The following ANKRD13B variants were observed in gnomAD, a reference collection of about 807,000 sequenced individuals.
The protein encoded by ANKRD13B is ankyrin repeat domain 13B.
In ANKRD13B, 33 loss-of-function variants were observed where a neutral mutation model predicts 74.4. The ratio of observed to expected loss-of-function variants is 0.44; its 90% CI spans 0.34 to 0.59. ANKRD13B has a LOEUF of 0.59. Among genes scored for constraint, ANKRD13B ranks in the 20% least tolerant of loss-of-function variants. The pLI is 0.02. For missense variants in ANKRD13B, 676 were observed against 877.9 expected (o/e 0.77, Z 2.91); for synonymous variants, 341 against 362.9 (o/e 0.94, Z 0.68).
intron 1 of ANKRD13B, among the ~76,000 whole-genome samples, chr17:29,599,925 A>G (rs1043882614): frequency 8.5e-6 from 1 of 117,626 alleles, no homozygotes; most frequent in African/African-American, 3.4e-5. Context: ...CCCCCGCGCT[A>G]GAGTGCAGTG....
At chr17:29,594,885 G>C (rs547097879) in intron 1 of ANKRD13B, among the ~76,000 whole-genome samples, 3 of 152,204 alleles carry the variant, frequency 2.0e-5, no homozygotes, top group African/African-American at 7.2e-5. Context: ...GCAGGCCATC[G>C]GACTGAGCAG....
Position 29,611,427 on chromosome 17 carries a change from TTCAGGTGAAGG to T in ANKRD13B, c.905-150_905-140del. 2 of 717,592 alleles carry T rather than the reference TTCAGGTGAAGG, an allele frequency of 2.8e-6. No homozygotes were observed. The highest frequency in any genetic ancestry group is 4.8e-6 in the Non-Finnish European group (2 of 414,848). 44.5% of individuals were successfully genotyped at this position (717,592 alleles called of 1,614,324 possible). On this transcript the variant is annotated intron_variant, in intron 8 of 14. Coordinates refer to ENST00000394859, the MANE Select transcript of ANKRD13B (RefSeq NM_152345.5). This position sits in a 1 kb window ranked among gnomAD's most constrained non-coding sequence, Gnocchi z 4.3. ...CTGGTCCTTGAAGCACTCAGTCCCC[TTCAGGTGAAGG>T]TGCCTGAGTATGTGGTTGGGTGAGC...
chr17:29,612,864 C>CT lies in ANKRD13B; in HGVS notation c.1576-22dup. ...GCCACGGGACTCCGCGCCGCCACGG[C>CT]TAACGCCCACGCCTCCCCGCAGGTC... On this transcript the variant is annotated intron_variant, in intron 13 of 14. Coordinates refer to ENST00000394859, the MANE Select transcript of ANKRD13B (RefSeq NM_152345.5). This position sits in a 1 kb window ranked among gnomAD's most constrained non-coding sequence, Gnocchi z 6.1. The CT allele has an allele frequency of 6.2e-7, 1 of 1,600,016 alleles. No homozygotes were observed. The highest frequency in any genetic ancestry group is 8.5e-7 in the Non-Finnish European group (1 of 1,179,282).
chr17:29,613,709 C>T lies in ANKRD13B; in HGVS notation c.*127C>T. The stretch of plus-strand genomic sequence containing the variant: ...TGGAGCCACCGCCTCGCGGGTGCAG[C>T]AGCACAGCAGGCACGGTTCGGGGAG... On this transcript the variant is annotated 3_prime_UTR_variant, in exon 15 of 15. Coordinates refer to ENST00000394859, the MANE Select transcript of ANKRD13B (RefSeq NM_152345.5). The T allele has an allele frequency of 7.5e-7, 1 of 1,341,874 alleles. No individual in the cohort carries two copies. 83.1% of individuals were successfully genotyped at this position (1,341,874 alleles called of 1,614,324 possible).
In ANKRD13B at chr17:29,613,624, C is replaced by T; in HGVS notation, c.*42C>T. On this transcript the variant is annotated 3_prime_UTR_variant, in exon 15 of 15. Transcript: ENST00000394859. ...CCTCGCCAGCGCCACGCGCGCCACG[C>T]CCAGGGCCAGGAGCCAGACAAACCC... is the stretch of plus-strand genomic sequence containing the variant. 6 of 1,396,878 alleles carry T rather than the reference C, an allele frequency of 4.3e-6. No homozygotes were observed. Among genetic ancestry groups the T allele is most frequent in the Non-Finnish European group, 5.6e-6 (6 of 1,076,784 alleles). The allele number at this position is 1,396,878 out of a possible 1,614,324, so 86.5% of individuals were successfully genotyped here.
At position 29,611,425 on chromosome 17, in the gene ANKRD13B, C is replaced by G. The variant is rs571881949; in HGVS notation, c.905-154C>G. ...CCCTGGTCCTTGAAGCACTCAGTCC[C>G]CTTCAGGTGAAGGTGCCTGAGTATG... On this transcript the variant is annotated intron_variant, in intron 8 of 14. Coordinates refer to ENST00000394859, the MANE Select transcript of ANKRD13B (RefSeq NM_152345.5). This position sits in a 1 kb window ranked among gnomAD's most constrained non-coding sequence, Gnocchi z 4.3. 5.3e-5 allele frequency among the ~76,000 whole-genome samples: 8 copies of G among 152,338 alleles called. No individual in the cohort carries two copies. The highest frequency in any genetic ancestry group is 1.9e-4 in the African/African-American group (8 of 41,580).
intron 1 of ANKRD13B, 41 bp from the exon 2 acceptor site, chr17:29,607,701 C>T (rs779925784): frequency 1.3e-5 from 21 of 1,571,250 alleles, no homozygotes; most frequent in East Asian, 2.3e-5. Context: ...CTGCCTCCGA[C>T]GTGACTGGGG....
intron 7 of ANKRD13B, among the ~76,000 whole-genome samples, chr17:29,610,005 A>T (rs1307658205): frequency 1.3e-5 from 2 of 152,092 alleles, no homozygotes; most frequent in Non-Finnish European, 2.9e-5. Context: ...AGCCTGGCTA[A>T]CATGGTGAAA....
chr17:29,613,030 G>A (rs969540963), intron 14 of ANKRD13B, 67 bp downstream of exon 14: 5 of 1,545,668 alleles, frequency 3.2e-6, no homozygotes, highest in Non-Finnish European at 4.3e-6. Flanking sequence ...CCAGGACACA[G>A]CCGGAGAACC....
chr17:29,601,263 C>T (rs2034167793), intron 1 of ANKRD13B, among the ~76,000 whole-genome samples: 1 of 148,938 alleles, frequency 6.7e-6, no homozygotes, highest in Non-Finnish European at 1.5e-5. Context: ...TCTCTGTCAC[C>T]CAGGCTGGAG....
intron 1 of ANKRD13B, chr17:29,593,947 T>C: frequency 3.6e-6 from 1 of 277,042 alleles, no homozygotes; most frequent in East Asian, 6.1e-5. Context: ...CTCACCTAGA[T>C]GAGAGTAGAG....
chr17:29,608,155 C>G lies in ANKRD13B; in HGVS notation c.376-40C>G, dbSNP rs748478687. On this transcript the variant is annotated intron_variant, in intron 3 of 14. Coordinates refer to ENST00000394859, the MANE Select transcript of ANKRD13B (RefSeq NM_152345.5). This position sits in a 1 kb window ranked among gnomAD's most constrained non-coding sequence, Gnocchi z 6.4. The stretch of plus-strand genomic sequence containing the variant: ...CCTCCACGGGAGCCCTTGAGCCCTT[C>G]TCCAGTGCAGACTTAGCCTCTCTCC... 1 of 1,614,152 alleles carries G rather than the reference C, an allele frequency of 6.2e-7. No individual in the cohort carries two copies. Among genetic ancestry groups the G allele is most frequent in the Admixed American group, 1.7e-5 (1 of 60,022 alleles).
intron 1 of ANKRD13B, among the ~76,000 whole-genome samples, chr17:29,599,713 G>A (rs940745828): frequency 1.3e-4 from 20 of 151,976 alleles, no homozygotes; most frequent in Non-Finnish European, 2.2e-4. Flanking sequence ...GGCAGGAGAC[G>A]TCATGGAAAG....
chr17:29,613,456 C>T lies in ANKRD13B; in HGVS notation c.1755C>T (p.Ser585=). Reference sequence around the variant, plus strand: ...GTTCCGGCGGCCACGTGTTCCGGAGCTACGACGAGCAGCTGCGGCTGGCGA... The same window carrying T: ...GTTCCGGCGGCCACGTGTTCCGGAGTTACGACGAGCAGCTGCGGCTGGCGA... ...GPGSGGHVFR[S]YDEQLRLAME... is the part of the protein sequence containing the mutation. Residue 585 remains serine (S), a synonymous_variant, in exon 15 of 15, where the codon AGC becomes AGT. Coordinates refer to ENST00000394859, the MANE Select transcript of ANKRD13B (RefSeq NM_152345.5). The T allele has an allele frequency of 6.5e-7, 1 of 1,532,994 alleles. No homozygotes were observed. Among genetic ancestry groups the T allele is most frequent in the Middle Eastern group, 1.7e-4 (1 of 5,866 alleles). The allele number at this position is 1,532,994 out of a possible 1,614,324, so 95.0% of individuals were successfully genotyped here. A position where few individuals can be genotyped will look rare whatever the true frequency, so the allele number is the denominator to read the frequency against.
At chr17:29,594,868 G>A (rs2033897831) in intron 1 of ANKRD13B, among the ~76,000 whole-genome samples, 1 of 152,240 alleles carries the variant, frequency 6.6e-6, no homozygotes, top group Non-Finnish European at 1.5e-5. Context: ...AAGCATGGAG[G>A]TGGAGGGCAG....
rs1419269024 is a variant in ANKRD13B at position 29,612,704 on chromosome 17, C to T, written c.1464C>T (p.Gly488=). ...CAGCGTTGTTCGAGGCCCCGCGCGG[C>T]TACAGCATGATGGGCGGCCAGCGGG... ...ISPALFEAPR[G]YSMMGGQREA... Residue 488 remains glycine, a synonymous_variant, in exon 13 of 15, where the codon GGC becomes GGT. Coordinates refer to ENST00000394859, the MANE Select transcript of ANKRD13B (RefSeq NM_152345.5). This position sits in a 1 kb window ranked among gnomAD's most constrained non-coding sequence, Gnocchi z 6.1. 3 of 1,597,964 alleles carry T rather than the reference C, an allele frequency of 1.9e-6. No individual in the cohort carries two copies. In the East Asian group the frequency reaches 6.7e-5, roughly 36 times the overall value.
chr17:29,593,248 C>T lies in ANKRD13B; in HGVS notation c.-374C>T, dbSNP rs1285490596. On this transcript the variant is annotated 5_prime_UTR_variant, in exon 1 of 15. Coordinates refer to ENST00000394859, the MANE Select transcript of ANKRD13B (RefSeq NM_152345.5). ...GGGCGCGCGTCCCTGCGGCGGCGTC[C>T]CCGGGGCCCGCGTCCCGTGCGCCCC... is the stretch of plus-strand genomic sequence containing the variant. 1.3e-5 allele frequency among the ~76,000 whole-genome samples: 2 copies of T among 149,154 alleles called. No individual in the cohort carries two copies. Among genetic ancestry groups the T allele is most frequent in the South Asian group, 4.2e-4 (2 of 4,814 alleles).
At position 29,608,640 on chromosome 17, in the gene ANKRD13B, G is replaced by A. The variant is rs531748889; in HGVS notation, c.422-211G>A. The A allele has an allele frequency of 5.7e-5, 36 of 635,488 alleles. No individual in the cohort carries two copies. The East Asian group carries it at 9.7e-4, about 17-fold the overall frequency. 39.4% of individuals were successfully genotyped at this position (635,488 alleles called of 1,614,324 possible). Reference sequence around the variant, plus strand: ...TGATGGACACTAGGGACTTAGTGGTGACAGAAACATGCCCGTCCCGACCTC... The same window carrying A: ...TGATGGACACTAGGGACTTAGTGGTAACAGAAACATGCCCGTCCCGACCTC... On this transcript the variant is annotated intron_variant, in intron 4 of 14. Transcript: ENST00000394859. The surrounding 1 kb of genome is among the most constrained non-coding windows in gnomAD (Gnocchi z 6.4).
rs928850492 is a variant in ANKRD13B, at chr17:29,603,879, T to C, written c.115-3863T>C. ...TGATTATAGGTTATATTTTCTTTCTTTTTTTTTTTTTTTTGAGATGGAGTC... is the reference window on the plus strand; with the variant it reads ...TGATTATAGGTTATATTTTCTTTCTCTTTTTTTTTTTTTTGAGATGGAGTC... On this transcript the variant is annotated intron_variant, in intron 1 of 14. Transcript: ENST00000394859. Among the ~76,000 whole-genome samples, 13 of 24,538 alleles carry C rather than the reference T, an allele frequency of 5.3e-4. No individual in the cohort carries two copies. In the African/African-American group the frequency reaches 9.8e-3, roughly 18 times the overall value. The allele number at this position is 24,538 out of a possible 152,430, so 16.1% of individuals were successfully genotyped here. A position where few individuals can be genotyped will look rare whatever the true frequency, so the allele number is the denominator to read the frequency against.
Sources: gnomAD v4.1 joint callset for allele counts (sites outside exome capture counted in the v4.1 genomes callset) on GRCh38, gnomAD v4.1.1 for gene constraint, Gnocchi (gnomAD v3.1) non-coding constraint, MANE v1.5 for transcripts, NCBI Gene and HGNC (gene_info 2026-07-23, HGNC 2026-07-21) for gene names.